NOX4: variants seen among roughly 807,000 people sequenced by gnomAD.
NOX4 encodes NADPH oxidase 4.
A neutral mutation model predicts 87.6 loss-of-function variants in NOX4; 69 were observed. The ratio of observed to expected loss-of-function variants is 0.79; its 90% confidence interval spans 0.65 to 0.96. NOX4 has a LOEUF of 0.96. NOX4 is among the 40% of genes least tolerant of loss of function. The pLI is 0.00. For synonymous variants in NOX4, 275 were observed against 238.2 expected (o/e 1.15, Z -1.42); for missense variants, 680 against 681.5 (o/e 1.00, Z 0.02).
At chr11:89,374,163 C>A (rs1380778976) in intron 11 of NOX4, among the ~76,000 whole-genome samples, 1 of 152,052 alleles carries the variant, frequency 6.6e-6, no homozygotes. Context: ...TGAAAAATTT[C>A]TTCTTGTTTT....
chr11:89,529,655 C>T, the NOX4 span, among the ~76,000 whole-genome samples: 24 of 152,106 alleles, frequency 1.6e-4, no homozygotes, highest in Admixed American at 1.2e-3. Context: ...GAACAGAAGA[C>T]GAAATATCAA....
At chr11:89,454,645 T>C (rs1591298490) in intron 2 of NOX4, among the ~76,000 whole-genome samples, 2 of 152,096 alleles carry the variant, frequency 1.3e-5, no homozygotes, top group Non-Finnish European at 2.9e-5. Context: ...AGCATTTTTA[T>C]ATTAAAAATA....
At chr11:89,483,641 T>C (rs1008464824) in intron 2 of NOX4, among the ~76,000 whole-genome samples, 7 of 144,226 alleles carry the variant, frequency 4.9e-5, no homozygotes, top group African/African-American at 2.0e-4. Flanking sequence ...ATTCAAAGGA[T>C]ACAAAATTTC....
At chr11:89,556,726 A>G in the NOX4 span, 4 of 152,122 alleles carry the variant, frequency 2.6e-5, no homozygotes, top group Non-Finnish European at 5.9e-5. Context: ...AGTAGGATTA[A>G]CCATAGAGAT....
intron 2 of NOX4, among the ~76,000 whole-genome samples, chr11:89,459,260 C>A (rs372486779): frequency 6.6e-6 from 1 of 151,622 alleles, no homozygotes; most frequent in Admixed American, 6.6e-5. Flanking sequence ...TAAACAGGAA[C>A]GTAAAGAATG....
intron 4 of NOX4, among the ~76,000 whole-genome samples, chr11:89,446,333 A>G (rs1454710019): frequency 6.6e-6 from 1 of 152,128 alleles, no homozygotes; most frequent in Non-Finnish European, 1.5e-5. Flanking sequence ...ACATACTCTT[A>G]CCACATGATC....
intron 8 of NOX4, among the ~76,000 whole-genome samples, chr11:89,407,005 G>T (rs527283827): frequency 2.0e-5 from 3 of 152,030 alleles, no homozygotes; most frequent in African/African-American, 7.2e-5. Context: ...TATGCACAAA[G>T]GTACTTGGTT....
chr11:89,584,967 G>A, the NOX4 span, among the ~76,000 whole-genome samples: 12 of 152,080 alleles, frequency 7.9e-5, no homozygotes, highest in African/African-American at 2.9e-4. Context: ...TAGCCTAGGG[G>A]TGTTAAGTTG....
intron 7 of NOX4, among the ~76,000 whole-genome samples, chr11:89,430,064 C>T (rs1943695714): frequency 6.6e-6 from 1 of 151,852 alleles, no homozygotes; most frequent in African/African-American, 2.4e-5. Context: ...GCAATCAATG[C>T]ATGTAATCCA....
intron 2 of NOX4, among the ~76,000 whole-genome samples, chr11:89,472,546 T>C (rs543742010): frequency 6.6e-6 from 1 of 152,232 alleles, no homozygotes; most frequent in Non-Finnish European, 1.5e-5. Flanking sequence ...CATTTTTTTA[T>C]CTACGCTTTC....
At chr11:89,462,772 A>G (rs1346277806) in intron 2 of NOX4, among the ~76,000 whole-genome samples, 1 of 152,090 alleles carries the variant, frequency 6.6e-6, no homozygotes, top group Non-Finnish European at 1.5e-5. Context: ...AATCTTTTGG[A>G]CATTAGCGTA....
chr11:89,373,146 A>G (rs971264238), intron 12 of NOX4, among the ~76,000 whole-genome samples: 2 of 151,664 alleles, frequency 1.3e-5, no homozygotes, highest in Admixed American at 6.6e-5. Context: ...AGCACACCTG[A>G]CAAGTAGGTA....
chr11:89,530,344 CT>C, the NOX4 span, among the ~76,000 whole-genome samples: 10,328 of 127,676 alleles, frequency 0.081, 507 homozygotes, highest in Admixed American at 0.21. Context: ...GATGTCTATT[CT>C]TTTTTTTTTT....
chr11:89,391,966 C>T (rs1255432538), intron 11 of NOX4, among the ~76,000 whole-genome samples: 2 of 147,974 alleles, frequency 1.4e-5, no homozygotes, highest in African/African-American at 2.5e-5. Flanking sequence ...TCCTTCCTTC[C>T]TTCCTTCCTT....
At chr11:89,521,461 G>A in the NOX4 span, among the ~76,000 whole-genome samples, 1 of 152,062 alleles carries the variant, frequency 6.6e-6, no homozygotes, top group Non-Finnish European at 1.5e-5. Context: ...AATGGTGCTG[G>A]AATAACTGGT....
chr11:89,447,936 T>C (rs1177885300), intron 4 of NOX4, among the ~76,000 whole-genome samples: 1 of 152,108 alleles, frequency 6.6e-6, no homozygotes, highest in Non-Finnish European at 1.5e-5. Flanking sequence ...AAGTTACCCA[T>C]TTCAACAATG....
chr11:89,456,728 CAG>C (rs1404673987), intron 2 of NOX4, among the ~76,000 whole-genome samples: 1 of 152,126 alleles, frequency 6.6e-6, no homozygotes, highest in Non-Finnish European at 1.5e-5. Flanking sequence ...CTTGAGCTGG[CAG>C]AGAGTTGGCA....
At chr11:89,394,282 A>AT (rs1227177475) in intron 11 of NOX4, among the ~76,000 whole-genome samples, 12 of 152,134 alleles carry the variant, frequency 7.9e-5, no homozygotes, top group Admixed American at 2.0e-4. Context: ...TAACCTCTAT[A>AT]TTTTTTATGA....
chr11:89,382,351 A>G (rs1285450681), intron 11 of NOX4, among the ~76,000 whole-genome samples: 1 of 152,106 alleles, frequency 6.6e-6, no homozygotes, highest in African/African-American at 2.4e-5. Context: ...ACTTGACCCC[A>G]ATACAAACTC....
Sources: gnomAD v4.1 joint callset for allele counts (sites outside exome capture counted in the v4.1 genomes callset) on GRCh38, gnomAD v4.1.1 for gene constraint, MANE v1.5 for transcripts, NCBI Gene and HGNC (gene_info 2026-07-23, HGNC 2026-07-21) for gene names.